Variants in PLA2G4A observed in about 807,000 individuals in gnomAD.
The protein encoded by PLA2G4A is cytosolic phospholipase A2.
In PLA2G4A, 40 loss-of-function variants were observed where a neutral mutation model predicts 81.9. The observed-to-expected ratio is 0.49, with a 90% CI of 0.38 to 0.64. The LOEUF (loss-of-function observed/expected upper bound fraction) is 0.64, where lower values mean the gene tolerates loss of function less well. Ranked by LOEUF, PLA2G4A falls within the 30% of genes least tolerant of loss-of-function variation. The pLI, the probability that PLA2G4A is intolerant of heterozygous loss-of-function variation, is 0.00. For missense variants in PLA2G4A, 715 were observed against 905.1 expected, an observed-to-expected ratio of 0.79 and a Z score of 2.69; for synonymous variants, 302 against 296.9, an observed-to-expected ratio of 1.02 and a Z score of -0.18.
At chr1:186,960,470 T>C (rs1407771887) in intron 14 of PLA2G4A, among the ~76,000 whole-genome samples, 1 of 152,214 alleles carries the variant, frequency 6.6e-6, no homozygotes, top group African/African-American at 2.4e-5. Context: ...TTTTAAATTG[T>C]AGGAGGATAT....
At chr1:186,985,961 G>GA (rs1415011243) in intron 17 of PLA2G4A, among the ~76,000 whole-genome samples, 1 of 152,166 alleles carries the variant, frequency 6.6e-6, no homozygotes, top group Non-Finnish European at 1.5e-5. Flanking sequence ...CAAAAGGTTT[G>GA]AATTTAGTAA....
In PLA2G4A at chr1:186,975,569, G is replaced by T. The variant is rs146436436; in HGVS notation, c.1765-2024G>T. ...CAGCAATCCTATGAGAAAGGCGATG[G>T]TATTAGCTTTATTTTACAGAGGTAG... On this transcript the variant is annotated intron_variant, in intron 15 of 17. Coordinates refer to ENST00000367466, the MANE Select transcript of PLA2G4A (RefSeq NM_024420.3). 2.0e-3 allele frequency among the ~76,000 whole-genome samples: 309 copies of T among 152,276 alleles called. 3 individuals carry two copies. Among genetic ancestry groups the T allele is most frequent in the Admixed American group, 0.012 (185 of 15,302 alleles).
chr1:186,967,387 G>T (rs1236150226), intron 15 of PLA2G4A, among the ~76,000 whole-genome samples: 2 of 137,530 alleles, frequency 1.5e-5, no homozygotes, highest in African/African-American at 5.1e-5. Flanking sequence ...GGTGAGATGG[G>T]ACCAGACTCC....
At chr1:186,839,965 CTTTTTTTTTTT>C (rs61704569) in intron 1 of PLA2G4A, among the ~76,000 whole-genome samples, 1 of 75,052 alleles carries the variant, frequency 1.3e-5, no homozygotes, top group African/African-American at 5.9e-5. Flanking sequence ...TAATTGACTT[CTTTTTTTTTTT>C]TTTTTTTTTT....
intron 1 of PLA2G4A, among the ~76,000 whole-genome samples, chr1:186,844,540 A>C (rs915493130): frequency 7.9e-5 from 12 of 152,220 alleles, no homozygotes; most frequent in Non-Finnish European, 1.6e-4. Flanking sequence ...TTAATGGATC[A>C]AAAAATCAGT....
chr1:186,956,153 G>C lies in PLA2G4A; in HGVS notation c.1388G>C (p.Ser463Thr), dbSNP rs1656745221. ...GSDYQSDNQASWIHRMIMALV... is the reference protein window; with the variant it reads ...GSDYQSDNQATWIHRMIMALV... The stretch of plus-strand genomic sequence containing the variant: ...GACTATCAAAGTGATAATCAAGCAA[G>C]TTGGATTCATCGTATGATAATGGCC... The change falls in exon 14 of 18, where the codon AGT becomes ACT. Residue 463 changes from serine to threonine, a missense_variant. Ser to Thr is a moderately conservative substitution (Grantham distance 58). Coordinates refer to ENST00000367466, the MANE Select transcript of PLA2G4A (RefSeq NM_024420.3). 1.2e-6 allele frequency: 2 copies of C among 1,613,274 alleles called. No homozygotes were observed. Among genetic ancestry groups the C allele is most frequent in the Non-Finnish European group, 1.7e-6 (2 of 1,179,200 alleles).
At chr1:186,907,621 C>T (rs1654786956) in intron 6 of PLA2G4A, among the ~76,000 whole-genome samples, 1 of 152,218 alleles carries the variant, frequency 6.6e-6, no homozygotes, top group African/African-American at 2.4e-5. Flanking sequence ...CTCTGCATCT[C>T]TTTGAACTTC....
At chr1:186,902,636 T>C (rs990354191) in intron 5 of PLA2G4A, among the ~76,000 whole-genome samples, 3 of 152,184 alleles carry the variant, frequency 2.0e-5, no homozygotes, top group Non-Finnish European at 4.4e-5. Context: ...AGTTCCTGCC[T>C]TAACTGATGA....
chr1:186,959,228 G>A (rs888073681), intron 14 of PLA2G4A, among the ~76,000 whole-genome samples: 1 of 152,016 alleles, frequency 6.6e-6, no homozygotes, highest in African/African-American at 2.4e-5. Flanking sequence ...AATATGAGTT[G>A]ATTGCGGGTG....
intron 2 of PLA2G4A, among the ~76,000 whole-genome samples, chr1:186,864,692 C>T (rs949460674): frequency 2.0e-5 from 3 of 149,992 alleles, no homozygotes; most frequent in African/African-American, 4.9e-5. Flanking sequence ...AGTTGAGTTC[C>T]TTATATATTC....
intron 12 of PLA2G4A, among the ~76,000 whole-genome samples, chr1:186,948,202 T>C (rs1226942937): frequency 1.3e-5 from 2 of 152,174 alleles, no homozygotes; most frequent in East Asian, 3.8e-4. Context: ...AGTTATCTTA[T>C]AATTTCATTG....
At chr1:186,888,823 T>C (rs1237740702) in intron 3 of PLA2G4A, among the ~76,000 whole-genome samples, 5 of 124,676 alleles carry the variant, frequency 4.0e-5, no homozygotes, top group Non-Finnish European at 6.6e-5. Flanking sequence ...GGCTTTGTTT[T>C]TTTTCTATTA....
intron 1 of PLA2G4A, among the ~76,000 whole-genome samples, chr1:186,830,970 C>CT (rs879673305): frequency 1.9e-5 from 2 of 107,262 alleles, no homozygotes; most frequent in Admixed American, 1.9e-4. Context: ...TTCTTTCTTT[C>CT]TTTCTTTCTT....
chr1:186,834,518 A>G (rs1651709800), intron 1 of PLA2G4A, among the ~76,000 whole-genome samples: 1 of 152,082 alleles, frequency 6.6e-6, no homozygotes. Context: ...TAACATCAGA[A>G]AAATTACTGG....
intron 1 of PLA2G4A, among the ~76,000 whole-genome samples, chr1:186,847,357 CGTGTGTGTGTGTGT>C (rs34724808): frequency 2.1e-5 from 3 of 146,192 alleles, no homozygotes; most frequent in Non-Finnish European, 4.5e-5. Context: ...TTATTTCATA[CGTGTGTGTGTGTGT>C]GTGTGTGTGT....
In PLA2G4A at chr1:186,956,161, C is replaced by A. The variant is rs578200626; in HGVS notation, c.1396C>A (p.His466Asn). The A allele has an allele frequency of 3.1e-6, 5 of 1,612,888 alleles. No homozygotes were observed. The South Asian group carries it at 4.4e-5, about 14-fold the overall frequency. The change falls in exon 14 of 18, where the codon CAT (histidine) becomes AAT (asparagine). Residue 466 changes from histidine to asparagine, a missense_variant. His to Asn is a moderately conservative substitution (Grantham distance 68). Coordinates refer to ENST00000367466, the MANE Select transcript of PLA2G4A (RefSeq NM_024420.3). ...AAGTGATAATCAAGCAAGTTGGATT[C>A]ATCGTATGATAATGGCCTTGGTGAG... ...YQSDNQASWI[H>N]RMIMALVSDS...
intron 1 of PLA2G4A, among the ~76,000 whole-genome samples, chr1:186,831,641 A>G (rs1047299740): frequency 6.6e-6 from 1 of 152,168 alleles, no homozygotes; most frequent in African/African-American, 2.4e-5. Context: ...GTTTATTATA[A>G]AGATAAATCA....
chr1:186,885,350 G>A (rs1452338394), intron 3 of PLA2G4A, among the ~76,000 whole-genome samples: 1 of 152,168 alleles, frequency 6.6e-6, no homozygotes, highest in East Asian at 1.9e-4. Flanking sequence ...TTGACTTTAA[G>A]TTGGGAGCCT....
intron 15 of PLA2G4A, among the ~76,000 whole-genome samples, chr1:186,968,536 T>G (rs1571454425): frequency 6.6e-6 from 1 of 151,498 alleles, no homozygotes; most frequent in African/African-American, 2.4e-5. Flanking sequence ...AGAAAACAAT[T>G]ATAAAGACAT....
Sources: gnomAD v4.1 joint callset for allele counts (sites outside exome capture counted in the v4.1 genomes callset) on GRCh38, gnomAD v4.1.1 for gene constraint, MANE v1.5 for transcripts, NCBI Gene and HGNC (gene_info 2026-07-23, HGNC 2026-07-21) for gene names.